Variants in PRKG1 observed in about 807,000 individuals in gnomAD.
The protein encoded by PRKG1 is cGMP-dependent protein kinase 1.
In PRKG1, 35 loss-of-function variants were observed where a neutral mutation model predicts 88.1. The observed-to-expected ratio is 0.40, with a 90% CI of 0.30 to 0.53. PRKG1 has a LOEUF of 0.53. Among genes scored for constraint, PRKG1 ranks in the 20% least tolerant of loss-of-function variants. The pLI is 0.59. For missense variants in PRKG1, 540 were observed against 839.8 expected (o/e 0.64, Z 4.41); for synonymous variants, 303 against 292.5 (o/e 1.04, Z -0.37).
chr10:51,769,474 A>T (rs560577426), intron 3 of PRKG1, among the ~76,000 whole-genome samples: 2 of 152,302 alleles, frequency 1.3e-5, no homozygotes, highest in East Asian at 3.9e-4. Flanking sequence ...TATTGAGAGG[A>T]TTCTTGCCAC....
intron 1 of PRKG1, among the ~76,000 whole-genome samples, chr10:51,126,168 T>C (rs1335930849): frequency 8.3e-6 from 1 of 120,868 alleles, no homozygotes. Flanking sequence ...TTATATGTAA[T>C]TATTTATATA....
At chr10:51,058,230 A>G (rs935826333) in intron 1 of PRKG1, among the ~76,000 whole-genome samples, 6 of 152,150 alleles carry the variant, frequency 3.9e-5, no homozygotes, top group African/African-American at 1.4e-4. Context: ...AATTCAAGAT[A>G]GCATCCGACT....
intron 10 of PRKG1, among the ~76,000 whole-genome samples, chr10:52,266,125 C>T (rs111849648): frequency 3.3e-5 from 5 of 151,732 alleles, no homozygotes; most frequent in African/African-American, 1.2e-4. Context: ...AACCCAATTA[C>T]CCCTATTATT....
At chr10:51,364,102 A>C (rs1842541794) in intron 2 of PRKG1, among the ~76,000 whole-genome samples, 1 of 151,942 alleles carries the variant, frequency 6.6e-6, no homozygotes, top group Non-Finnish European at 1.5e-5. Context: ...AATTAGATTA[A>C]AGTCACTGCA....
chr10:52,045,024 C>T (rs1845830690), intron 5 of PRKG1, among the ~76,000 whole-genome samples: 1 of 152,162 alleles, frequency 6.6e-6, no homozygotes, highest in Non-Finnish European at 1.5e-5. Context: ...TGGCTTAGTA[C>T]ATTTGGGTGC....
intron 7 of PRKG1, among the ~76,000 whole-genome samples, chr10:52,090,676 CAT>C (rs1462674037): frequency 6.6e-6 from 1 of 152,140 alleles, no homozygotes; most frequent in Admixed American, 6.5e-5. Flanking sequence ...GTCCTTCTAA[CAT>C]GTGTCCACAT....
At chr10:52,145,450 T>A (rs561629982) in intron 8 of PRKG1, among the ~76,000 whole-genome samples, 1 of 152,350 alleles carries the variant, frequency 6.6e-6, no homozygotes, top group South Asian at 2.1e-4. Context: ...GTTAAAAAGA[T>A]AATATTTGAA....
chr10:51,907,445 T>C lies in PRKG1; in HGVS notation c.699-62T>C, dbSNP rs1011296853. The C allele has an allele frequency of 4.5e-6, 6 of 1,330,670 alleles. No individual in the cohort carries two copies. The Admixed American group carries it at 8.1e-5, about 18-fold the overall frequency. 82.4% of individuals were successfully genotyped at this position (1,330,670 alleles called of 1,614,324 possible). On this transcript the variant is annotated intron_variant, in intron 4 of 17. Coordinates refer to ENST00000373980, the MANE Select transcript of PRKG1 (RefSeq NM_006258.4). Reference sequence around the variant, plus strand: ...ATTTTAATTAGATTCATGGTCATTTTTATTACTTATGAAAGTAAGTTGTGG... The same window carrying C: ...ATTTTAATTAGATTCATGGTCATTTCTATTACTTATGAAAGTAAGTTGTGG...
At chr10:51,095,089 A>C (rs1844495652) in intron 1 of PRKG1, among the ~76,000 whole-genome samples, 1 of 152,168 alleles carries the variant, frequency 6.6e-6, no homozygotes, top group African/African-American at 2.4e-5. Flanking sequence ...AAGTTGCAAA[A>C]TGTACCCCCT....
intron 9 of PRKG1, among the ~76,000 whole-genome samples, chr10:52,185,891 TC>T (rs887918403): frequency 6.6e-6 from 1 of 152,136 alleles, no homozygotes; most frequent in Non-Finnish European, 1.5e-5. Context: ...AAGAGCAGTG[TC>T]CCAAGGCTGC....
intron 2 of PRKG1, among the ~76,000 whole-genome samples, chr10:51,190,847 A>G (rs1284077473): frequency 2.6e-5 from 4 of 151,830 alleles, no homozygotes; most frequent in Non-Finnish European, 5.9e-5. Context: ...TCCTTCCCAT[A>G]TTGTCATTGT....
chr10:52,282,354 C>A, intron 14 of PRKG1, 38 bp downstream of exon 14: 6 of 1,541,018 alleles, frequency 3.9e-6, no homozygotes, highest in Middle Eastern at 1.7e-4. Flanking sequence ...TAAAAATAGA[C>A]CAGCATGCAG....
At chr10:52,230,967 T>C (rs916971758) in intron 9 of PRKG1, 4 of 152,220 alleles carry the variant, frequency 2.6e-5, no homozygotes, top group African/African-American at 9.7e-5. Context: ...ATACTGATTA[T>C]CTAATTTTTT....
chr10:51,041,240 G>A (rs976210431), intron 1 of PRKG1, among the ~76,000 whole-genome samples: 1 of 152,082 alleles, frequency 6.6e-6, no homozygotes, highest in African/African-American at 2.4e-5. Flanking sequence ...TCTGGTCCAG[G>A]GCAGGTCTGG....
intron 4 of PRKG1, 131 bp downstream of exon 4, chr10:51,804,821 G>A (rs1019300175): frequency 1.6e-6 from 1 of 617,376 alleles, no homozygotes; most frequent in African/African-American, 1.9e-5. Flanking sequence ...AATGTGTAGA[G>A]ATGTAAGACT....
intron 8 of PRKG1, among the ~76,000 whole-genome samples, chr10:52,159,282 A>C (rs1045352376): frequency 6.6e-6 from 1 of 151,540 alleles, no homozygotes; most frequent in African/African-American, 2.4e-5. Flanking sequence ...TTGTCTAGTC[A>C]TAAGAAATAT....
chr10:52,225,879 G>T (rs1919462), intron 9 of PRKG1, among the ~76,000 whole-genome samples: 69,495 of 151,818 alleles, frequency 0.46, 17,921 homozygotes, highest in Non-Finnish European at 0.59. Flanking sequence ...ACACTGTTTT[G>T]GTCACTGTGG....
chr10:51,172,640 GTATGTATGTATCTATCTATC>G (rs1351408984), intron 2 of PRKG1, among the ~76,000 whole-genome samples: 128 of 92,668 alleles, frequency 1.4e-3, no homozygotes, highest in African/African-American at 2.9e-3. Flanking sequence ...ATGTATGTAT[GTATGTATGTATCTATCTATC>G]TATCTATCTA....
chr10:51,298,044 T>C (rs1840768326), intron 2 of PRKG1, among the ~76,000 whole-genome samples: 1 of 152,186 alleles, frequency 6.6e-6, no homozygotes, highest in South Asian at 2.1e-4. Context: ...TATTCCTTCA[T>C]CAGTTCTTGT....
Sources: gnomAD v4.1 joint callset for allele counts (sites outside exome capture counted in the v4.1 genomes callset) on GRCh38, gnomAD v4.1.1 for gene constraint, MANE v1.5 for transcripts, NCBI Gene and HGNC (gene_info 2026-07-23, HGNC 2026-07-21) for gene names.